The following PRKDC variants were observed in gnomAD, a reference collection of about 807,000 sequenced individuals.
The protein encoded by PRKDC is protein kinase, DNA-activated, catalytic subunit.
PRKDC carries 82 observed loss-of-function variants against 486.9 expected under a neutral mutation model. That is an observed-to-expected ratio of 0.17 (90% CI 0.14 to 0.20). The LOEUF (loss-of-function observed/expected upper bound fraction) is 0.20, where lower values mean the gene tolerates loss of function less well. PRKDC is among the 10% of genes least tolerant of loss of function. The probability of loss-of-function intolerance (pLI) is 1.00; values close to 1 mark genes in which losing one functional copy is unlikely to be tolerated. For missense variants in PRKDC, 4,504 were observed against 5,038.2 expected, an observed-to-expected ratio of 0.89 and a Z score of 3.21; for synonymous variants, 1,895 against 1,837.0, an observed-to-expected ratio of 1.03 and a Z score of -0.81.
chr8:47,935,137 CATT>C (rs1008089276), intron 13 of PRKDC, 79 bp from the exon 14 acceptor site: 1 of 1,053,738 alleles, frequency 9.5e-7, no homozygotes. Flanking sequence ...AACAAACAGT[CATT>C]ATATTTTGGA....
intron 39 of PRKDC, among the ~76,000 whole-genome samples, chr8:47,878,527 T>C (rs930740513): frequency 2.8e-4 from 42 of 152,290 alleles, no homozygotes; most frequent in African/African-American, 8.9e-4. Flanking sequence ...GCCCTTACTC[T>C]GATTCTGGTA....
At chr8:47,825,196 T>C (rs2087707047) in intron 63 of PRKDC, among the ~76,000 whole-genome samples, 1 of 152,142 alleles carries the variant, frequency 6.6e-6, no homozygotes, top group South Asian at 2.1e-4. Flanking sequence ...TGTCCCTGGA[T>C]TATGTTCACT....
At chr8:47,927,911 TAATGTATATCTG>T (rs1452355031) in intron 19 of PRKDC, 21 bp from the exon 20 acceptor site, 2 of 1,518,576 alleles carry the variant, frequency 1.3e-6, no homozygotes, top group Non-Finnish European at 1.8e-6. Context: ...AAGAAGACAG[TAATGTATATCTG>T]AATAGAGCCT....
At chr8:47,939,462 A>G in intron 11 of PRKDC, 89 bp downstream of exon 11, 3 of 1,427,786 alleles carry the variant, frequency 2.1e-6, no homozygotes, top group Admixed American at 3.7e-5. Context: ...TGTTACAAGT[A>G]TTAGACACTA....
intron 74 of PRKDC, among the ~76,000 whole-genome samples, chr8:47,793,682 C>CAAAAAAAAA (rs2086924868): frequency 1.2e-5 from 1 of 86,744 alleles, no homozygotes; most frequent in Non-Finnish European, 2.2e-5. Context: ...TTTAAAAAAA[C>CAAAAAAAAA]TAAAAAAAAA....
intron 74 of PRKDC, among the ~76,000 whole-genome samples, chr8:47,791,272 C>G (rs1428446437): frequency 6.6e-6 from 1 of 152,096 alleles, no homozygotes; most frequent in African/African-American, 2.4e-5. Context: ...GTCAGGCGTT[C>G]GAGACCAGCC....
Position 47,778,461 on chromosome 8 carries a change from G to C in PRKDC, c.11851C>G (p.Gln3951Glu). Reference protein sequence around the residue: ...DFGHAFGSATQFLPVPELMPF... With the variant: ...DFGHAFGSATEFLPVPELMPF... ...TCACGAGAGCACAGCAAGTGCACCT[G>C]TGTAGCGGATCCAAACGCATGCCCA... The change falls in exon 83 of 86, where the codon CAG becomes GAG. Residue 3951 changes from glutamine to glutamate, a missense_variant and splice_region_variant. Gln to Glu is a conservative substitution (Grantham distance 29). This residue lies in a region of PRKDC where 706 missense variants were observed against 945.0 expected (regional missense o/e 0.75). Transcript: ENST00000314191. 6.2e-7 allele frequency: 1 copy of C among 1,611,822 alleles called. No homozygotes were observed. Among genetic ancestry groups the C allele is most frequent in the Non-Finnish European group, 8.5e-7 (1 of 1,179,096 alleles).
intron 29 of PRKDC, 76 bp downstream of exon 29, chr8:47,898,394 C>G (rs1181896723): frequency 4.2e-6 from 5 of 1,184,900 alleles, no homozygotes; most frequent in Non-Finnish European, 6.1e-6. Flanking sequence ...ACAGATCCAT[C>G]CCAGGTTGTC....
chr8:47,796,037 G>A, intron 73 of PRKDC, among the ~76,000 whole-genome samples: 1 of 151,862 alleles, frequency 6.6e-6, no homozygotes, highest in East Asian at 2.0e-4. Flanking sequence ...TGGGACTACA[G>A]GCATGTGCCA....
chr8:47,861,004 AT>A, intron 44 of PRKDC, 33 bp from the exon 45 acceptor site: 1 of 1,406,242 alleles, frequency 7.1e-7, no homozygotes, highest in Non-Finnish European at 9.7e-7. Flanking sequence ...AATGTAAAAC[AT>A]TTTATAATAA....
At chr8:47,938,403 C>A (rs1407544197) in intron 11 of PRKDC, among the ~76,000 whole-genome samples, 2 of 141,260 alleles carry the variant, frequency 1.4e-5, no homozygotes, top group Non-Finnish European at 3.1e-5. Flanking sequence ...AAAAGCGAAA[C>A]TCCAACTCAA....
chr8:47,907,411 TACACACACACAC>T lies in PRKDC; in HGVS notation c.2935-2447_2935-2436del, dbSNP rs746467406. ...GTATACATAGCTATATATATATATA[TACACACACACAC>T]ACACACACACACACAATACAGACAT... On this transcript the variant is annotated intron_variant, in intron 25 of 85. Transcript: ENST00000314191. Among the ~76,000 whole-genome samples, 11 of 148,938 alleles carry T rather than the reference TACACACACACAC, an allele frequency of 7.4e-5. No individual in the cohort carries two copies. In the East Asian group the frequency reaches 1.6e-3, roughly 21 times the overall value.
intron 19 of PRKDC, among the ~76,000 whole-genome samples, chr8:47,928,773 T>C (rs1017988266): frequency 3.3e-5 from 5 of 152,052 alleles, no homozygotes; most frequent in African/African-American, 1.2e-4. Context: ...AACTTCTGCC[T>C]CCAGGGTTCA....
rs200503713 is a variant in PRKDC, at chr8:47,847,299, C to CA, written c.7280+1854dup. Among the ~76,000 whole-genome samples the CA allele has an allele frequency of 6.2e-3, 945 of 151,980 alleles. 13 individuals carry two copies. Among genetic ancestry groups the CA allele is most frequent in the African/African-American group, 0.022 (915 of 41,448 alleles). On this transcript the variant is annotated intron_variant, in intron 54 of 85. Coordinates refer to ENST00000314191, the MANE Select transcript of PRKDC (RefSeq NM_006904.7). ...ACTGGTCGGGGGAAAAAACAAAATA[C>CA]AAAAAAACACAGACACACAGACCAA...
At chr8:47,793,472 G>C (rs571088707) in intron 74 of PRKDC, among the ~76,000 whole-genome samples, 1 of 151,040 alleles carries the variant, frequency 6.6e-6, no homozygotes, top group African/African-American at 2.4e-5. Flanking sequence ...AAACCCTGTC[G>C]CTACTAAAAA....
At chr8:47,896,317 T>C (rs2089579909) in intron 30 of PRKDC, among the ~76,000 whole-genome samples, 1 of 151,982 alleles carries the variant, frequency 6.6e-6, no homozygotes, top group Non-Finnish European at 1.5e-5. Flanking sequence ...TAAAGTAACT[T>C]TTTTCCTCTT....
intron 30 of PRKDC, among the ~76,000 whole-genome samples, chr8:47,894,688 C>T (rs1323739964): frequency 6.6e-6 from 1 of 152,186 alleles, no homozygotes; most frequent in Admixed American, 6.5e-5. Flanking sequence ...CTGCACCTGT[C>T]GTCAAGCCCT....
At chr8:47,790,860 T>C (rs189673592) in intron 74 of PRKDC, among the ~76,000 whole-genome samples, 23 of 152,274 alleles carry the variant, frequency 1.5e-4, no homozygotes, top group Admixed American at 1.4e-3. Context: ...GGTATCCATA[T>C]GCAGAATAAT....
At chr8:47,790,245 C>T (rs1363833088) in intron 74 of PRKDC, among the ~76,000 whole-genome samples, 1 of 152,180 alleles carries the variant, frequency 6.6e-6, no homozygotes, top group Non-Finnish European at 1.5e-5. Flanking sequence ...AAATCAGTAG[C>T]ATTTCTATAT....
Sources: allele counts gnomAD v4.1 joint callset (sites outside exome capture counted in the v4.1 genomes callset), GRCh38; gene constraint gnomAD v4.1.1; regional missense constraint gnomAD v4.1.1; transcripts MANE v1.5; gene names NCBI Gene and HGNC (gene_info 2026-07-23, HGNC 2026-07-21).